The following CTNNA3 variants were observed in gnomAD, a reference collection of about 807,000 sequenced individuals.
CTNNA3 encodes catenin alpha-3.
In CTNNA3, 76 loss-of-function variants were observed where a neutral mutation model predicts 95.7. That is an observed-to-expected ratio of 0.79 (90% CI 0.66 to 0.96). The LOEUF (loss-of-function observed/expected upper bound fraction) is 0.96. Ranked by LOEUF, CTNNA3 falls within the 40% of genes least tolerant of loss-of-function variation. The probability of loss-of-function intolerance (pLI) is 0.00; values close to 1 mark genes in which losing one functional copy is unlikely to be tolerated. For synonymous variants in CTNNA3, 431 were observed against 374.4 expected (o/e 1.15, Z -1.74); for missense variants, 1,191 against 1,089.8 (o/e 1.09, Z -1.31).
At chr10:66,133,732 T>C (rs1377999152) in intron 13 of CTNNA3, among the ~76,000 whole-genome samples, 1 of 152,078 alleles carries the variant, frequency 6.6e-6, no homozygotes, top group East Asian at 1.9e-4. Context: ...AATAAATCTA[T>C]ATTTGGCAGG....
intron 1 of CTNNA3, among the ~76,000 whole-genome samples, chr10:67,678,545 G>A (rs1447682952): frequency 6.6e-6 from 1 of 152,112 alleles, no homozygotes; most frequent in Non-Finnish European, 1.5e-5. Flanking sequence ...GAAAGTGACA[G>A]GAACCTTGGG....
chr10:66,586,167 T>G (rs1843354704), intron 10 of CTNNA3, among the ~76,000 whole-genome samples: 1 of 152,134 alleles, frequency 6.6e-6, no homozygotes, highest in Non-Finnish European at 1.5e-5. Context: ...AAGCTTATTT[T>G]GTTCCCCAGT....
intron 13 of CTNNA3, among the ~76,000 whole-genome samples, chr10:66,112,500 C>A (rs567508820): frequency 1.3e-5 from 2 of 151,872 alleles, no homozygotes; most frequent in South Asian, 2.1e-4. Flanking sequence ...TGAAATCTAC[C>A]CTTAACAAAT....
intron 10 of CTNNA3, among the ~76,000 whole-genome samples, chr10:66,541,405 T>C (rs1841846156): frequency 6.6e-6 from 1 of 152,162 alleles, no homozygotes. Context: ...ATTTTTTTTC[T>C]GTCAAGTAAA....
chr10:67,453,741 C>T (rs897326675), intron 5 of CTNNA3, among the ~76,000 whole-genome samples: 28 of 152,126 alleles, frequency 1.8e-4, no homozygotes, highest in African/African-American at 6.5e-4. Context: ...GATTCCCAGG[C>T]TTTGTTGTGA....
intron 15 of CTNNA3, among the ~76,000 whole-genome samples, chr10:65,989,133 G>A (rs574101494): frequency 1.6e-4 from 25 of 152,210 alleles, no homozygotes; most frequent in Non-Finnish European, 2.8e-4. Flanking sequence ...TAGAGATGGG[G>A]TTTCACCATG....
At chr10:67,525,743 A>T (rs1442430481) in intron 4 of CTNNA3, among the ~76,000 whole-genome samples, 1 of 152,234 alleles carries the variant, frequency 6.6e-6, no homozygotes, top group African/African-American at 2.4e-5. Flanking sequence ...TTGTAGTCAG[A>T]TCGATTGATT....
chr10:66,860,049 G>T (rs1199426001), intron 7 of CTNNA3, among the ~76,000 whole-genome samples: 1 of 137,024 alleles, frequency 7.3e-6, no homozygotes, highest in Non-Finnish European at 1.6e-5. Context: ...ATAGCATTAG[G>T]AGATATACCT....
At chr10:67,750,782 T>G in intron 1 of CTNNA3, 1 of 1,606,682 alleles carries the variant, frequency 6.2e-7, no homozygotes, top group South Asian at 1.1e-5. Context: ...CACTTCCAGA[T>G]AGAGAGGCTC....
intron 9 of CTNNA3, among the ~76,000 whole-genome samples, chr10:66,651,965 C>G (rs898872198): frequency 1.3e-5 from 2 of 151,676 alleles, no homozygotes; most frequent in Non-Finnish European, 2.9e-5. Flanking sequence ...CGAGAGCGAG[C>G]AAGGGCTGCT....
At chr10:67,496,166 T>C (rs1423012373) in intron 5 of CTNNA3, among the ~76,000 whole-genome samples, 1 of 152,190 alleles carries the variant, frequency 6.6e-6, no homozygotes, top group Non-Finnish European at 1.5e-5. Flanking sequence ...ATAATTGTAT[T>C]ATTTTTTACA....
intron 7 of CTNNA3, among the ~76,000 whole-genome samples, chr10:67,160,542 A>G (rs1353116265): frequency 6.6e-6 from 1 of 150,562 alleles, no homozygotes; most frequent in African/African-American, 2.5e-5. Context: ...GGCTCAAACA[A>G]TCCTCCCACC....
chr10:67,350,658 T>A (rs529039049), intron 5 of CTNNA3, among the ~76,000 whole-genome samples: 1 of 151,156 alleles, frequency 6.6e-6, no homozygotes, highest in East Asian at 2.0e-4. Context: ...TTTACACCAC[T>A]ATTTGCCTAA....
At chr10:67,579,708 A>G (rs926715132) in intron 3 of CTNNA3, among the ~76,000 whole-genome samples, 1 of 152,144 alleles carries the variant, frequency 6.6e-6, no homozygotes, top group Non-Finnish European at 1.5e-5. Flanking sequence ...CATCCTCTCC[A>G]GCACCTGTTG....
chr10:67,292,435 T>A lies in CTNNA3; in HGVS notation c.580-72565A>T, dbSNP rs1381093728. 5.3e-5 allele frequency among the ~76,000 whole-genome samples: 8 copies of A among 152,062 alleles called. No homozygotes were observed. In the East Asian group the frequency reaches 1.5e-3, roughly 29 times the overall value. ...GAGTCCCAACAAAGTAAAGTGGGAA[T>A]CCAGACAATTCTCCACAATTTCATG... On this transcript the variant is annotated intron_variant, in intron 5 of 17. Coordinates refer to ENST00000433211, the MANE Select transcript of CTNNA3 (RefSeq NM_013266.4).
intron 3 of CTNNA3, among the ~76,000 whole-genome samples, chr10:67,560,385 C>A (rs1841461153): frequency 6.6e-6 from 1 of 151,974 alleles, no homozygotes; most frequent in Non-Finnish European, 1.5e-5. Flanking sequence ...TCCAGCCAAA[C>A]TAAGCTTCAT....
chr10:66,071,237 G>A (rs1036167536), intron 14 of CTNNA3, among the ~76,000 whole-genome samples: 6 of 152,062 alleles, frequency 3.9e-5, no homozygotes, highest in South Asian at 4.1e-4. Flanking sequence ...GATATATATC[G>A]CCAGGTGGCT....
At chr10:66,380,699 A>G (rs2092831927) in intron 11 of CTNNA3, among the ~76,000 whole-genome samples, 1 of 150,968 alleles carries the variant, frequency 6.6e-6, no homozygotes, top group Admixed American at 6.6e-5. Flanking sequence ...ACATTATTTA[A>G]TCATATATGT....
Position 67,290,841 on chromosome 10 carries a change from C to T in CTNNA3, c.580-70971G>A, listed in dbSNP as rs528506468. On this transcript the variant is annotated intron_variant, in intron 5 of 17. Transcript: ENST00000433211. ...ATATCTCCAAGACTAGTTCTGCAAC[C>T]CCTCGCAGCTATACATCCTAAAATA... Among the ~76,000 whole-genome samples the T allele has an allele frequency of 5.3e-5, 8 of 152,228 alleles. No individual in the cohort carries two copies. The South Asian group carries it at 1.7e-3, about 32-fold the overall frequency.
Sources: gnomAD v4.1 joint callset for allele counts (sites outside exome capture counted in the v4.1 genomes callset) on GRCh38, gnomAD v4.1.1 for gene constraint, MANE v1.5 for transcripts, NCBI Gene and HGNC (gene_info 2026-07-23, HGNC 2026-07-21) for gene names.